Variants in FHIT observed in about 807,000 individuals in gnomAD.
The protein encoded by FHIT is fragile histidine triad diadenosine triphosphatase.
A neutral mutation model predicts 17.9 loss-of-function variants in FHIT; 19 were observed. The observed-to-expected ratio is 1.06, with a 90% CI of 0.74 to 1.56. The LOEUF (loss-of-function observed/expected upper bound fraction) is 1.56, where lower values mean the gene tolerates loss of function less well. Among genes scored for constraint, FHIT ranks in the 40% most tolerant of loss-of-function variants. The pLI is 0.00. For missense variants in FHIT, 248 were observed against 189.2 expected, an observed-to-expected ratio of 1.31 and a Z score of -1.82; for synonymous variants, 81 against 69.7, an observed-to-expected ratio of 1.16 and a Z score of -0.81.
intron 4 of FHIT, among the ~76,000 whole-genome samples, chr3:60,800,097 A>G (rs1316814875): frequency 3.4e-5 from 5 of 146,886 alleles, no homozygotes; most frequent in Non-Finnish European, 6.1e-5. Flanking sequence ...AGGGTCCCCC[A>G]ACTAATGATT....
intron 3 of FHIT, among the ~76,000 whole-genome samples, chr3:61,038,757 A>T (rs1023155970): frequency 2.6e-5 from 4 of 152,218 alleles, no homozygotes; most frequent in African/African-American, 9.6e-5. Context: ...CAATATGAAG[A>T]AAATGTAGTA....
intron 5 of FHIT, among the ~76,000 whole-genome samples, chr3:60,166,639 C>A (rs1336034598): frequency 1.3e-5 from 2 of 152,118 alleles, no homozygotes; most frequent in African/African-American, 4.8e-5. Flanking sequence ...AATCTATCTC[C>A]AGAACTTGGA....
intron 5 of FHIT, among the ~76,000 whole-genome samples, chr3:60,375,923 G>A (rs1009449665): frequency 6.6e-6 from 1 of 152,122 alleles, no homozygotes; most frequent in Non-Finnish European, 1.5e-5. Flanking sequence ...CTGAGCACCT[G>A]AAATATGGTA....
intron 8 of FHIT, among the ~76,000 whole-genome samples, chr3:59,834,974 CTTG>C (rs954652676): frequency 3.3e-5 from 5 of 151,998 alleles, no homozygotes; most frequent in African/African-American, 4.8e-5. Context: ...TGGTAATTTT[CTTG>C]TTGTTGTTTT....
intron 8 of FHIT, among the ~76,000 whole-genome samples, chr3:59,897,911 C>T (rs1704144948): frequency 6.6e-6 from 1 of 152,026 alleles, no homozygotes; most frequent in East Asian, 1.9e-4. Context: ...GGACTACAGG[C>T]ACCCGCCACC....
At chr3:60,691,638 T>C (rs2040994215) in intron 4 of FHIT, among the ~76,000 whole-genome samples, 1 of 152,184 alleles carries the variant, frequency 6.6e-6, no homozygotes, top group Admixed American at 6.5e-5. Context: ...AGTGCTGAGA[T>C]TACAGGCTTG....
chr3:60,259,196 TAGA>T (rs1706172411), intron 5 of FHIT, among the ~76,000 whole-genome samples: 6 of 152,114 alleles, frequency 3.9e-5, no homozygotes, highest in African/African-American at 2.4e-5. Flanking sequence ...GGTAGAGAAA[TAGA>T]AGAAGTGGGC....
At chr3:60,203,198 C>T (rs374741413) in intron 5 of FHIT, among the ~76,000 whole-genome samples, 8 of 151,974 alleles carry the variant, frequency 5.3e-5, no homozygotes, top group African/African-American at 1.9e-4. Flanking sequence ...TGCATTTTTG[C>T]AACTCCTGTG....
Position 61,217,204 on chromosome 3 carries a change from C to T in FHIT, c.-212-16539G>A, listed in dbSNP as rs567374671. ...AATTTATTATCTCTCACGGTTTCTA[C>T]GGATCAAGAATCCTGGCAGGGTTCA... is the stretch of plus-strand genomic sequence containing the variant. On this transcript the variant is annotated intron_variant, in intron 1 of 9. Transcript: ENST00000492590. 1.5e-4 allele frequency among the ~76,000 whole-genome samples: 23 copies of T among 152,190 alleles called. No individual in the cohort carries two copies. The South Asian group carries it at 1.7e-3, about 11-fold the overall frequency.
chr3:60,536,587 G>C (rs1017843558), intron 5 of FHIT: 78 of 340,764 alleles, frequency 2.3e-4, no homozygotes, highest in African/African-American at 1.6e-3. Flanking sequence ...GTAGTGAAAA[G>C]GTCAAGCAAA....
At chr3:60,292,893 A>G (rs974826870) in intron 5 of FHIT, among the ~76,000 whole-genome samples, 2 of 152,124 alleles carry the variant, frequency 1.3e-5, no homozygotes, top group Non-Finnish European at 2.9e-5. Flanking sequence ...CAATTAAAAA[A>G]CATTCACCAA....
chr3:59,769,822 C>T (rs1701988038), intron 8 of FHIT, among the ~76,000 whole-genome samples: 1 of 151,048 alleles, frequency 6.6e-6, no homozygotes, highest in South Asian at 2.1e-4. Flanking sequence ...CTATTTAGGA[C>T]AGCTTCTCAA....
At chr3:61,038,015 G>T (rs2033339166) in intron 3 of FHIT, among the ~76,000 whole-genome samples, 1 of 152,154 alleles carries the variant, frequency 6.6e-6, no homozygotes, top group South Asian at 2.1e-4. Context: ...AAGTCTAGTT[G>T]ACAAATGGAA....
At chr3:60,233,309 A>G (rs1704598011) in intron 5 of FHIT, among the ~76,000 whole-genome samples, 1 of 152,140 alleles carries the variant, frequency 6.6e-6, no homozygotes, top group South Asian at 2.1e-4. Flanking sequence ...AGCTTTGTCC[A>G]TTAACTGCCA....
At chr3:61,159,712 T>C (rs1323280314) in intron 2 of FHIT, among the ~76,000 whole-genome samples, 1 of 152,254 alleles carries the variant, frequency 6.6e-6, no homozygotes, top group African/African-American at 2.4e-5. Context: ...ATTAGAGTAA[T>C]ATTTCAATTT....
chr3:59,789,739 G>C lies in FHIT; in HGVS notation c.349-37418C>G, dbSNP rs1699470881. The stretch of plus-strand genomic sequence containing the variant: ...ACACTTTAGAAAAATTATGAATCTA[G>C]TTTTCAGGGCCCCTAACTCATTAAT... On this transcript the variant is annotated intron_variant, in intron 8 of 9. Coordinates refer to ENST00000492590, the MANE Select transcript of FHIT (RefSeq NM_002012.4). Among the ~76,000 whole-genome samples, 5 of 152,112 alleles carry C rather than the reference G, an allele frequency of 3.3e-5. No homozygotes were observed. In the South Asian group the frequency reaches 1.0e-3, roughly 31 times the overall value.
At chr3:60,826,010 G>A in intron 3 of FHIT, among the ~76,000 whole-genome samples, 1 of 152,104 alleles carries the variant, frequency 6.6e-6, no homozygotes, top group East Asian at 1.9e-4. Flanking sequence ...AACACTGGAA[G>A]CAAATCTGAC....
chr3:60,088,766 A>T (rs539826315), intron 5 of FHIT, among the ~76,000 whole-genome samples: 1 of 147,852 alleles, frequency 6.8e-6, no homozygotes, highest in African/African-American at 2.6e-5. Flanking sequence ...CATTTGCTGC[A>T]TATGTCCAAC....
intron 8 of FHIT, among the ~76,000 whole-genome samples, chr3:59,794,558 A>G (rs1392544260): frequency 2.0e-5 from 3 of 152,190 alleles, no homozygotes; most frequent in Non-Finnish European, 4.4e-5. Context: ...ATGCACCTTT[A>G]TATGTATCGC....
Sources: gnomAD v4.1 joint callset for allele counts (sites outside exome capture counted in the v4.1 genomes callset) on GRCh38, gnomAD v4.1.1 for gene constraint, MANE v1.5 for transcripts, NCBI Gene and HGNC (gene_info 2026-07-23, HGNC 2026-07-21) for gene names.